The following RBMS3 variants were observed in gnomAD, a reference collection of about 807,000 sequenced individuals.
The protein encoded by RBMS3 is RNA-binding motif, single-stranded-interacting protein 3.
RBMS3 carries 27 observed loss-of-function variants against 66.8 expected under a neutral mutation model. That is an observed-to-expected ratio of 0.40 (90% CI 0.30 to 0.56). RBMS3 has a LOEUF of 0.56. Among genes scored for constraint, RBMS3 ranks in the 20% least tolerant of loss-of-function variants. The probability of loss-of-function intolerance (pLI) is 0.40; values close to 1 mark genes in which losing one functional copy is unlikely to be tolerated. For missense variants in RBMS3, 513 were observed against 549.5 expected (o/e 0.93, Z 0.66); for synonymous variants, 188 against 183.0 (o/e 1.03, Z -0.22).
intron 12 of RBMS3, among the ~76,000 whole-genome samples, chr3:29,946,146 T>C (rs1695289791): frequency 6.6e-6 from 1 of 151,732 alleles, no homozygotes; most frequent in Admixed American, 6.6e-5. Flanking sequence ...TTGGTCTACG[T>C]CTAAATAGAA....
At chr3:29,525,298 C>G (rs1423066435) in intron 3 of RBMS3, among the ~76,000 whole-genome samples, 1 of 152,056 alleles carries the variant, frequency 6.6e-6, no homozygotes, top group African/African-American at 2.4e-5. Context: ...ATAAAAAGGC[C>G]ATGGTTAGCC....
chr3:29,669,064 C>G (rs1212550273), intron 4 of RBMS3, among the ~76,000 whole-genome samples: 1 of 152,164 alleles, frequency 6.6e-6, no homozygotes, highest in Non-Finnish European at 1.5e-5. Flanking sequence ...TTGCCCTGGG[C>G]TGAATGGAGG....
chr3:29,342,224 C>A (rs1376684378), intron 1 of RBMS3, among the ~76,000 whole-genome samples: 1 of 151,968 alleles, frequency 6.6e-6, no homozygotes, highest in East Asian at 1.9e-4. Flanking sequence ...GTTTTCTTAC[C>A]AATTGATTTA....
intron 4 of RBMS3, among the ~76,000 whole-genome samples, chr3:29,738,492 TACAC>T (rs1056551542): frequency 2.0e-4 from 30 of 152,248 alleles, no homozygotes; most frequent in African/African-American, 7.2e-4. Context: ...AGAAAATTGA[TACAC>T]ACAGAAATAA....
chr3:29,324,856 T>A (rs2035227052), intron 1 of RBMS3, among the ~76,000 whole-genome samples: 1 of 152,130 alleles, frequency 6.6e-6, no homozygotes, highest in Admixed American at 6.6e-5. Context: ...CTCCTCTTCC[T>A]TTACTCTCAT....
chr3:29,543,775 C>T (rs191645447), intron 3 of RBMS3, among the ~76,000 whole-genome samples: 5 of 152,098 alleles, frequency 3.3e-5, no homozygotes, highest in Admixed American at 3.3e-4. Flanking sequence ...AAAATGTCAC[C>T]GTGCATTGCT....
intron 4 of RBMS3, among the ~76,000 whole-genome samples, chr3:29,593,567 T>C (rs1393047550): frequency 2.0e-5 from 3 of 152,202 alleles, no homozygotes; most frequent in Non-Finnish European, 2.9e-5. Context: ...TATCTGGGGA[T>C]GCTAATGTTC....
intron 7 of RBMS3, among the ~76,000 whole-genome samples, chr3:29,878,728 C>T (rs561854324): frequency 6.6e-6 from 1 of 152,244 alleles, no homozygotes; most frequent in Non-Finnish European, 1.5e-5. Flanking sequence ...GATCCCCTCA[C>T]CCCACATTAT....
intron 5 of RBMS3, among the ~76,000 whole-genome samples, chr3:29,746,466 G>T (rs2054897740): frequency 6.6e-6 from 1 of 152,070 alleles, no homozygotes. Flanking sequence ...AATAAAGGTT[G>T]TATGTTTCAT....
intron 12 of RBMS3, among the ~76,000 whole-genome samples, chr3:29,980,508 A>G (rs1222846578): frequency 2.6e-5 from 4 of 152,166 alleles, no homozygotes; most frequent in Non-Finnish European, 5.9e-5. Context: ...GTCTTTGCCT[A>G]TGCCTATGTC....
intron 8 of RBMS3, among the ~76,000 whole-genome samples, chr3:29,894,727 G>C (rs996398613): frequency 6.6e-6 from 1 of 151,524 alleles, no homozygotes; most frequent in Non-Finnish European, 1.5e-5. Context: ...TTCAGATAGT[G>C]ATAAGAGAAC....
intron 4 of RBMS3, among the ~76,000 whole-genome samples, chr3:29,658,903 ACCTCCG>A (rs2050421576): frequency 6.6e-6 from 1 of 152,070 alleles, no homozygotes; most frequent in Non-Finnish European, 1.5e-5. Context: ...GCTCACTGCA[ACCTCCG>A]CCTCCCGGGT....
chr3:29,511,680 A>T (rs1024203115), intron 3 of RBMS3, among the ~76,000 whole-genome samples: 1 of 152,060 alleles, frequency 6.6e-6, no homozygotes, highest in South Asian at 2.1e-4. Context: ...ACCATCATAC[A>T]TAAAGAATAA....
Position 29,360,033 on chromosome 3 carries a change from T to G in RBMS3, c.76-74710T>G, listed in dbSNP as rs545823499. 5.3e-5 allele frequency among the ~76,000 whole-genome samples: 8 copies of G among 152,320 alleles called. No homozygotes were observed. The South Asian group carries it at 1.4e-3, about 28-fold the overall frequency. On this transcript the variant is annotated intron_variant, in intron 1 of 14. Coordinates refer to ENST00000383767, the MANE Select transcript of RBMS3 (RefSeq NM_001003793.3). ...CATTGATTTTTGGAAGGGTTTTTTT[T>G]GTCTCTGTTTCCTTCAGTTCTGCTC... is the stretch of plus-strand genomic sequence containing the variant.
chr3:29,469,453 C>T (rs557340311), intron 2 of RBMS3, among the ~76,000 whole-genome samples: 35 of 151,840 alleles, frequency 2.3e-4, no homozygotes, highest in African/African-American at 8.2e-4. Flanking sequence ...TTTGGATAAA[C>T]CTAAGTGAAA....
intron 12 of RBMS3, among the ~76,000 whole-genome samples, chr3:29,967,169 T>C (rs1348749928): frequency 6.6e-6 from 1 of 152,158 alleles, no homozygotes; most frequent in Non-Finnish European, 1.5e-5. Context: ...CTTGTGTCCT[T>C]TCCTGGTTTT....
intron 3 of RBMS3, among the ~76,000 whole-genome samples, chr3:29,515,992 T>C (rs1343255078): frequency 1.3e-5 from 2 of 152,130 alleles, no homozygotes; most frequent in Non-Finnish European, 2.9e-5. Context: ...AAAATTGATA[T>C]TGGAATTGTT....
intron 2 of RBMS3, among the ~76,000 whole-genome samples, chr3:29,472,850 G>T (rs985762076): frequency 6.6e-5 from 10 of 152,066 alleles, no homozygotes; most frequent in African/African-American, 2.2e-4. Flanking sequence ...AGTCTGGAAG[G>T]GGTCCCAAGC....
At chr3:29,295,667 T>C (rs947711830) in intron 1 of RBMS3, among the ~76,000 whole-genome samples, 2 of 151,662 alleles carry the variant, frequency 1.3e-5, no homozygotes, top group Admixed American at 6.6e-5. Context: ...ATTTAGATAT[T>C]CTTACCAAGT....
Sources: gnomAD v4.1 joint callset for allele counts (sites outside exome capture counted in the v4.1 genomes callset) on GRCh38, gnomAD v4.1.1 for gene constraint, MANE v1.5 for transcripts, NCBI Gene and HGNC (gene_info 2026-07-23, HGNC 2026-07-21) for gene names.